Variants in PLSCR2 observed in about 807,000 individuals in gnomAD.
PLSCR2 encodes the protein PL scramblase 2.
Under a neutral mutation model 25.3 loss-of-function variants are expected in PLSCR2, and 18 were observed. The observed-to-expected ratio is 0.71, with a 90% CI of 0.49 to 1.06. The LOEUF is 1.06. Ranked by LOEUF, PLSCR2 falls within the 50% of genes least tolerant of loss-of-function variation. The pLI, the probability that PLSCR2 is intolerant of heterozygous loss-of-function variation, is 0.00. For synonymous variants in PLSCR2, 88 were observed against 87.3 expected, an observed-to-expected ratio of 1.01 and a Z score of -0.04; for missense variants, 243 against 269.5, an observed-to-expected ratio of 0.90 and a Z score of 0.69.
At chr3:146,408,052 C>T (rs984931309) in intron 2 of PLSCR2, among the ~76,000 whole-genome samples, 1 of 152,150 alleles carries the variant, frequency 6.6e-6, no homozygotes, top group African/African-American at 2.4e-5. Context: ...GAGCATTTGA[C>T]ATCCATTCAC....
At chr3:146,398,673 TC>T (rs2038358434) in intron 2 of PLSCR2, 1 of 152,114 alleles carries the variant, frequency 6.6e-6, no homozygotes, top group African/African-American at 2.4e-5. Flanking sequence ...AAAATTTAGA[TC>T]CCCAAGACAG....
intron 1 of PLSCR2, among the ~76,000 whole-genome samples, chr3:146,467,659 A>G (rs1424492934): frequency 1.3e-5 from 2 of 151,862 alleles, no homozygotes; most frequent in Non-Finnish European, 2.9e-5. Context: ...GTATTTGTAC[A>G]TATACAAATA....
In PLSCR2 at chr3:146,444,163, C is replaced by A. The variant is rs1162946751; in HGVS notation, c.646-2342G>T. Among the ~76,000 whole-genome samples, 3 of 151,726 alleles carry A rather than the reference C, an allele frequency of 2.0e-5. No individual in the cohort carries two copies. In the East Asian group the frequency reaches 5.8e-4, roughly 29 times the overall value. ...TCATATTTTTAAAGAATCTTTAAGG[C>A]TTTTTTTGTGGCCTAACATATAGTT... On this transcript the variant is annotated intron_variant, in intron 6 of 6. Transcript: ENST00000610787.
At chr3:146,419,491 C>G (rs955837538) in intron 2 of PLSCR2, among the ~76,000 whole-genome samples, 13 of 152,036 alleles carry the variant, frequency 8.6e-5, no homozygotes, top group African/African-American at 3.1e-4. Context: ...TTCCACGTAC[C>G]AAAACCTGTA....
downstream of PLSCR2, among the ~76,000 whole-genome samples, chr3:146,440,375 G>A (rs1267593947): frequency 3.3e-5 from 5 of 152,222 alleles, no homozygotes; most frequent in African/African-American, 9.6e-5. Flanking sequence ...TTCCAGAGGT[G>A]GAGTCTACAG....
At chr3:146,449,421 A>G (rs1176179111) in intron 5 of PLSCR2, 54 bp from the exon 6 acceptor site, 1 of 1,285,772 alleles carries the variant, frequency 7.8e-7, no homozygotes, top group Non-Finnish European at 1.1e-6. Flanking sequence ...TTATAGCAAA[A>G]TTACTTTTAA....
At chr3:146,401,607 A>T (rs1274433206) in intron 2 of PLSCR2, 1 of 152,570 alleles carries the variant, frequency 6.6e-6, no homozygotes, top group Non-Finnish European at 1.5e-5. Flanking sequence ...CTGATGTAAG[A>T]TGTATGTAAA....
At chr3:146,478,382 G>A (rs2043000611) in intron 1 of PLSCR2, among the ~76,000 whole-genome samples, 1 of 152,182 alleles carries the variant, frequency 6.6e-6, no homozygotes, top group African/African-American at 2.4e-5. Flanking sequence ...AAAAAACAGT[G>A]TAGAGAAAAC....
chr3:146,466,359 C>T (rs776079613), intron 1 of PLSCR2, among the ~76,000 whole-genome samples: 6 of 152,128 alleles, frequency 3.9e-5, no homozygotes, highest in South Asian at 2.1e-4. Flanking sequence ...TTAGTAGAAA[C>T]GGGATTTTCC....
chr3:146,483,475 ATG>A (rs1553791504), intron 1 of PLSCR2, among the ~76,000 whole-genome samples: 1 of 39,862 alleles, frequency 2.5e-5, no homozygotes, highest in Non-Finnish European at 4.8e-5. Context: ...ATATATATAC[ATG>A]TGTATATATA....
chr3:146,483,637 C>A lies in PLSCR2; in HGVS notation c.-293+12258G>T, dbSNP rs909090782. Among the ~76,000 whole-genome samples, 8 of 150,622 alleles carry A rather than the reference C, an allele frequency of 5.3e-5. 1 individual carries two copies. Among genetic ancestry groups the A allele is most frequent in the Non-Finnish European group, 1.0e-4 (7 of 67,722 alleles). On this transcript the variant is annotated intron_variant, in intron 1 of 8. Transcript: ENST00000336685. ...GTGATGTATCTAAGTGAGGGAGGAA[C>A]CCAGGTGAATAGGGCCTGAAGTAAA...
At chr3:146,468,837 C>G (rs1395330198) in intron 1 of PLSCR2, among the ~76,000 whole-genome samples, 1 of 152,188 alleles carries the variant, frequency 6.6e-6, no homozygotes, top group Non-Finnish European at 1.5e-5. Flanking sequence ...CACATTCTCC[C>G]AATGTGCCAA....
chr3:146,458,457 T>C lies in PLSCR2; in HGVS notation c.58-4A>G. The C allele has an allele frequency of 6.9e-7, 1 of 1,448,364 alleles. No individual in the cohort carries two copies. Among genetic ancestry groups the C allele is most frequent in the Non-Finnish European group, 9.3e-7 (1 of 1,074,212 alleles). 89.7% of individuals were successfully genotyped at this position (1,448,364 alleles called of 1,614,324 possible). On this transcript the variant is annotated splice_polypyrimidine_tract_variant and splice_region_variant and intron_variant, in intron 2 of 6. Transcript: ENST00000610787. ...GATGAATTAGTATCATATCTATCTA[T>C]TATAGTAAAAAGAAAATGAAGTTGT... is the stretch of plus-strand genomic sequence containing the variant.
chr3:146,438,867 T>C (rs1268839111), downstream of PLSCR2, among the ~76,000 whole-genome samples: 7 of 152,114 alleles, frequency 4.6e-5, no homozygotes, highest in Non-Finnish European at 7.4e-5. Context: ...TTCTTCCTAG[T>C]ATCAATGGTC....
downstream of PLSCR2, among the ~76,000 whole-genome samples, chr3:146,437,327 A>C (rs1235728625): frequency 6.6e-6 from 1 of 152,110 alleles, no homozygotes; most frequent in African/African-American, 2.4e-5. Context: ...TTTTCTATTG[A>C]TTGCAATAGT....
intron 2 of PLSCR2, among the ~76,000 whole-genome samples, chr3:146,410,727 AAAAC>A (rs1432114595): frequency 2.0e-5 from 3 of 152,224 alleles, no homozygotes; most frequent in Non-Finnish European, 4.4e-5. Flanking sequence ...CAATAAACAT[AAAAC>A]AAACAATTGA....
intron 2 of PLSCR2, among the ~76,000 whole-genome samples, chr3:146,399,740 T>A (rs1001100229): frequency 1.2e-4 from 18 of 150,882 alleles, no homozygotes; most frequent in African/African-American, 4.1e-4. Context: ...CTCTCTTTTT[T>A]TTTCTTTCTT....
chr3:146,488,358 C>T (rs182478492), intron 1 of PLSCR2, among the ~76,000 whole-genome samples: 34 of 152,124 alleles, frequency 2.2e-4, no homozygotes, highest in African/African-American at 7.7e-4. Flanking sequence ...AGCTTCTGGA[C>T]AGCAAAAGAA....
At chr3:146,438,670 C>T (rs1374028990), downstream of PLSCR2, among the ~76,000 whole-genome samples, 1 of 152,104 alleles carries the variant, frequency 6.6e-6, no homozygotes, top group Non-Finnish European at 1.5e-5. Flanking sequence ...ATGTGTGTCT[C>T]TGTATGTGAG....
Sources: gnomAD v4.1 joint callset for allele counts (sites outside exome capture counted in the v4.1 genomes callset) on GRCh38, gnomAD v4.1.1 for gene constraint, MANE v1.5 for transcripts, NCBI Gene and HGNC (gene_info 2026-07-23, HGNC 2026-07-21) for gene names.